The following CAMKMT variants were observed in gnomAD, a reference collection of about 807,000 sequenced individuals.
CAMKMT encodes CaM KMT.
In CAMKMT, 53 loss-of-function variants were observed where a neutral mutation model predicts 48.0. That is an observed-to-expected ratio of 1.10 (90% CI 0.89 to 1.39). CAMKMT has a LOEUF of 1.39. Among genes scored for constraint, CAMKMT ranks in the 40% most tolerant of loss-of-function variants. The pLI is 0.00. For missense variants in CAMKMT, 428 were observed against 402.7 expected, an observed-to-expected ratio of 1.06 and a Z score of -0.54; for synonymous variants, 165 against 152.3, an observed-to-expected ratio of 1.08 and a Z score of -0.61.
At chr2:44,683,682 G>C (rs1676152884) in intron 3 of CAMKMT, among the ~76,000 whole-genome samples, 1 of 151,816 alleles carries the variant, frequency 6.6e-6, no homozygotes, top group Non-Finnish European at 1.5e-5. Flanking sequence ...AATTAGGCGG[G>C]CGTGGTGGCG....
At chr2:44,512,088 C>A (rs1039981498) in intron 3 of CAMKMT, among the ~76,000 whole-genome samples, 1 of 152,166 alleles carries the variant, frequency 6.6e-6, no homozygotes, top group Non-Finnish European at 1.5e-5. Context: ...CTTACGTCAG[C>A]CATGACACTT....
intron 3 of CAMKMT, among the ~76,000 whole-genome samples, chr2:44,550,327 A>C (rs778968679): frequency 6.6e-6 from 1 of 151,674 alleles, no homozygotes; most frequent in Non-Finnish European, 1.5e-5. Context: ...GAGGTTGAGG[A>C]TTCAGTGACC....
chr2:44,628,081 G>T (rs1470854933), intron 3 of CAMKMT, among the ~76,000 whole-genome samples: 3 of 151,790 alleles, frequency 2.0e-5, no homozygotes, highest in Admixed American at 6.6e-5. Context: ...CAAGTAGCTG[G>T]GACTACAGAC....
intron 3 of CAMKMT, among the ~76,000 whole-genome samples, chr2:44,459,171 G>A (rs1045919498): frequency 2.0e-5 from 3 of 151,834 alleles, no homozygotes; most frequent in African/African-American, 7.3e-5. Flanking sequence ...TAAGCACTAT[G>A]TAAATTCATA....
intron 3 of CAMKMT, among the ~76,000 whole-genome samples, chr2:44,472,479 A>C (rs1399354831): frequency 6.6e-6 from 1 of 152,240 alleles, no homozygotes; most frequent in African/African-American, 2.4e-5. Flanking sequence ...CTAAGGTTCG[A>C]ACTTTTGCAT....
chr2:44,461,270 T>G (rs1173999175), intron 3 of CAMKMT, among the ~76,000 whole-genome samples: 2 of 152,216 alleles, frequency 1.3e-5, no homozygotes, highest in Non-Finnish European at 2.9e-5. Flanking sequence ...AAAGTCTATA[T>G]GCACGACTTT....
intron 3 of CAMKMT, among the ~76,000 whole-genome samples, chr2:44,507,366 G>A (rs1329661221): frequency 2.0e-5 from 3 of 152,110 alleles, no homozygotes; most frequent in East Asian, 3.9e-4. Flanking sequence ...CTTCTTTGGA[G>A]CACTTATAAA....
At chr2:44,488,348 A>G (rs1261688580) in intron 3 of CAMKMT, among the ~76,000 whole-genome samples, 2 of 152,048 alleles carry the variant, frequency 1.3e-5, no homozygotes, top group Non-Finnish European at 2.9e-5. Flanking sequence ...TAAAAATACA[A>G]AAAAAATTAG....
chr2:44,406,975 G>A (rs1682825488), intron 3 of CAMKMT, among the ~76,000 whole-genome samples: 1 of 152,164 alleles, frequency 6.6e-6, no homozygotes, highest in African/African-American at 2.4e-5. Flanking sequence ...AGTCTCTTGT[G>A]CTTTTTAATT....
intron 3 of CAMKMT, among the ~76,000 whole-genome samples, chr2:44,621,186 C>T (rs1029917658): frequency 4.1e-4 from 60 of 147,888 alleles, no homozygotes; most frequent in African/African-American, 1.4e-3. Context: ...GAGAATGGCG[C>T]CAACCCGGAG....
chr2:44,588,158 T>C (rs1422769542), intron 3 of CAMKMT, among the ~76,000 whole-genome samples: 1 of 134,998 alleles, frequency 7.4e-6, no homozygotes, highest in East Asian at 2.1e-4. Context: ...GGAGCGCCTC[T>C]GCCCGGCCGC....
chr2:44,637,947 C>T (rs2103991004), intron 3 of CAMKMT, among the ~76,000 whole-genome samples: 1 of 151,736 alleles, frequency 6.6e-6, no homozygotes, highest in African/African-American at 2.4e-5. Context: ...TGCCTGTAGT[C>T]CCGGCTACTT....
intron 3 of CAMKMT, among the ~76,000 whole-genome samples, chr2:44,674,039 A>G (rs1401410147): frequency 6.6e-6 from 1 of 152,168 alleles, no homozygotes; most frequent in Non-Finnish European, 1.5e-5. Context: ...AAAATTACCT[A>G]AAGAAAAAAA....
chr2:44,456,517 T>C (rs1667570872), intron 3 of CAMKMT: 3 of 1,543,094 alleles, frequency 1.9e-6, no homozygotes, highest in East Asian at 2.5e-5. Context: ...TGAAAAGCTT[T>C]AACTACAGCC....
chr2:44,590,977 G>A (rs1296780574), intron 3 of CAMKMT, among the ~76,000 whole-genome samples: 1 of 152,008 alleles, frequency 6.6e-6, no homozygotes, highest in African/African-American at 2.4e-5. Flanking sequence ...CATATGGCTA[G>A]CCAGTTTTCC....
chr2:44,472,319 T>G (rs1036315706), intron 3 of CAMKMT, among the ~76,000 whole-genome samples: 1 of 152,222 alleles, frequency 6.6e-6, no homozygotes, highest in South Asian at 2.1e-4. Flanking sequence ...TTAATCAGTG[T>G]ATGAAATTTG....
At chr2:44,622,543 T>A (rs142115123) in intron 3 of CAMKMT, among the ~76,000 whole-genome samples, 15 of 152,314 alleles carry the variant, frequency 9.8e-5, no homozygotes, top group African/African-American at 2.9e-4. Flanking sequence ...CATCTTTGAA[T>A]CTGTGTGTAC....
At chr2:44,556,298 C>A (rs947306431) in intron 3 of CAMKMT, among the ~76,000 whole-genome samples, 1 of 151,872 alleles carries the variant, frequency 6.6e-6, no homozygotes, top group Non-Finnish European at 1.5e-5. Context: ...GCCACCACAC[C>A]TGGCTAATTT....
chr2:44,705,286 T>G (rs1677490196), intron 4 of CAMKMT: 1 of 901,512 alleles, frequency 1.1e-6, no homozygotes, highest in South Asian at 5.1e-5. Flanking sequence ...CCTCTCCCTC[T>G]CTTTTAATTT....
Sources: gnomAD v4.1 joint callset for allele counts (sites outside exome capture counted in the v4.1 genomes callset) on GRCh38, gnomAD v4.1.1 for gene constraint, MANE v1.5 for transcripts, NCBI Gene and HGNC (gene_info 2026-07-23, HGNC 2026-07-21) for gene names.